Variants in REC114 observed in about 807,000 individuals in gnomAD.
REC114 encodes meiotic recombination protein REC114.
REC114 carries 27 observed loss-of-function variants against 31.3 expected under a neutral mutation model. The ratio of observed to expected loss-of-function variants is 0.86; its 90% CI spans 0.64 to 1.19. The LOEUF is 1.19. REC114 is among the 50% of genes most tolerant of loss of function. The pLI is 0.00. For synonymous variants in REC114, 134 were observed against 127.7 expected (o/e 1.05, Z -0.33); for missense variants, 344 against 326.9 (o/e 1.05, Z -0.40).
At chr15:73,490,811 C>T (rs1893431334) in intron 2 of REC114, among the ~76,000 whole-genome samples, 1 of 151,190 alleles carries the variant, frequency 6.6e-6, no homozygotes, top group South Asian at 2.1e-4. Context: ...CATTCCTTCG[C>T]CCCCACCAAA....
chr15:73,444,439 A>G (rs1393747895), intron 1 of REC114, among the ~76,000 whole-genome samples: 1 of 152,232 alleles, frequency 6.6e-6, no homozygotes, highest in Non-Finnish European at 1.5e-5. Flanking sequence ...CTTCACCAGG[A>G]GTAGATGCCA....
chr15:73,486,103 T>G (rs114881461), intron 2 of REC114, among the ~76,000 whole-genome samples: 1 of 152,208 alleles, frequency 6.6e-6, no homozygotes, highest in Non-Finnish European at 1.5e-5. Flanking sequence ...CATACCTTTT[T>G]TCCTTTTTTT....
chr15:73,507,914 A>G (rs1401048921), intron 2 of REC114, among the ~76,000 whole-genome samples: 1 of 152,162 alleles, frequency 6.6e-6, no homozygotes, highest in Non-Finnish European at 1.5e-5. Context: ...TCAGAAAGCC[A>G]TTTCCAAGTA....
At chr15:73,558,881 C>G (rs1725745594) in intron 5 of REC114, among the ~76,000 whole-genome samples, 3 of 152,044 alleles carry the variant, frequency 2.0e-5, no homozygotes, top group Non-Finnish European at 4.4e-5. Flanking sequence ...TTCATAATTG[C>G]AAAAAAATAA....
At chr15:73,517,494 C>A (rs927922938) in intron 2 of REC114, among the ~76,000 whole-genome samples, 2 of 152,016 alleles carry the variant, frequency 1.3e-5, no homozygotes, top group Admixed American at 1.3e-4. Context: ...AAAAACCAAT[C>A]GGACTTAGTG....
At chr15:73,539,308 T>TTG (rs1491458249) in intron 2 of REC114, among the ~76,000 whole-genome samples, 4 of 136,954 alleles carry the variant, frequency 2.9e-5, no homozygotes, top group African/African-American at 1.2e-4. Context: ...TTTTTTTTTT[T>TTG]GAGACGGAAT....
At chr15:73,491,269 C>CTTTGTGTATTATCTTAATTTTTTGTA (rs1307200331) in intron 2 of REC114, among the ~76,000 whole-genome samples, 5 of 151,980 alleles carry the variant, frequency 3.3e-5, no homozygotes, top group Non-Finnish European at 5.9e-5. Flanking sequence ...TTTGTATTAT[C>CTTTGTGTATTATCTTAATTTTTTGTA]TTTGTGTATT....
chr15:73,462,098 A>G lies in REC114; in HGVS notation c.160-11734A>G, dbSNP rs188433567. Among the ~76,000 whole-genome samples, 3 of 151,168 alleles carry G rather than the reference A, an allele frequency of 2.0e-5. No homozygotes were observed. In the East Asian group the frequency reaches 5.9e-4, roughly 30 times the overall value. On this transcript the variant is annotated intron_variant, in intron 1 of 5. Coordinates refer to ENST00000331090, the MANE Select transcript of REC114 (RefSeq NM_001042367.2). ...AGGCACCTACCACCATGCCCGGCTA[A>G]TTTTTGTATTTTTTGTAGAGATGGG...
At chr15:73,557,414 TAA>T (rs767116205) in intron 5 of REC114, among the ~76,000 whole-genome samples, 56 of 113,128 alleles carry the variant, frequency 5.0e-4, no homozygotes, top group African/African-American at 8.3e-4. Flanking sequence ...ATCAGTAGTT[TAA>T]AAAAAAAAAA....
chr15:73,445,729 G>T (rs556629322), intron 1 of REC114, among the ~76,000 whole-genome samples: 29 of 152,266 alleles, frequency 1.9e-4, no homozygotes, highest in African/African-American at 7.0e-4. Context: ...GGATGGAGCA[G>T]TTGGAATATA....
At chr15:73,463,580 G>A (rs1893018148) in intron 1 of REC114, among the ~76,000 whole-genome samples, 1 of 152,168 alleles carries the variant, frequency 6.6e-6, no homozygotes, top group Non-Finnish European at 1.5e-5. Flanking sequence ...TAGCACTTTG[G>A]GAGGCCCAGG....
intron 3 of REC114, among the ~76,000 whole-genome samples, chr15:73,548,554 A>G (rs143719743): frequency 1.8e-3 from 267 of 152,368 alleles, no homozygotes; most frequent in African/African-American, 6.3e-3. Context: ...CTAAAAAGTA[A>G]AAAAATAACA....
At chr15:73,513,730 G>T (rs903269119) in intron 2 of REC114, among the ~76,000 whole-genome samples, 11 of 151,894 alleles carry the variant, frequency 7.2e-5, no homozygotes, top group African/African-American at 2.7e-4. Context: ...TGCCCCTGCT[G>T]GGGGGTGCCT....
chr15:73,528,314 T>G (rs994934826), intron 2 of REC114, among the ~76,000 whole-genome samples: 1 of 152,188 alleles, frequency 6.6e-6, no homozygotes, highest in Non-Finnish European at 1.5e-5. Context: ...GCAGTGATTA[T>G]CAATGGCTGC....
intron 2 of REC114, among the ~76,000 whole-genome samples, chr15:73,480,232 A>AT (rs1315264601): frequency 6.6e-6 from 1 of 152,036 alleles, no homozygotes; most frequent in Non-Finnish European, 1.5e-5. Context: ...CATTTATGTC[A>AT]TTTGTGGAAA....
intron 4 of REC114, among the ~76,000 whole-genome samples, chr15:73,554,974 G>A (rs565702602): frequency 1.8e-4 from 28 of 152,336 alleles, no homozygotes; most frequent in South Asian, 1.0e-3. Flanking sequence ...ACAGAGAAAT[G>A]GGGCTTGTCT....
intron 2 of REC114, 84 bp from the exon 3 acceptor site, chr15:73,540,401 A>G (rs1213121680): frequency 1.0e-6 from 1 of 991,848 alleles, no homozygotes; most frequent in Non-Finnish European, 1.6e-6. Flanking sequence ...CAAATATACA[A>G]CTTTCTAACA....
chr15:73,526,420 GT>G (rs1894009074), intron 2 of REC114, among the ~76,000 whole-genome samples: 1 of 151,962 alleles, frequency 6.6e-6, no homozygotes, highest in South Asian at 2.1e-4. Context: ...TTAATTCAGT[GT>G]TTTTTTAGGA....
At chr15:73,465,944 C>G (rs368082120) in intron 1 of REC114, among the ~76,000 whole-genome samples, 1 of 152,200 alleles carries the variant, frequency 6.6e-6, no homozygotes, top group Admixed American at 6.5e-5. Context: ...CTCTGCCTTC[C>G]GGGTTCAAGC....
Sources: gnomAD v4.1 joint callset for allele counts (sites outside exome capture counted in the v4.1 genomes callset) on GRCh38, gnomAD v4.1.1 for gene constraint, MANE v1.5 for transcripts, NCBI Gene and HGNC (gene_info 2026-07-23, HGNC 2026-07-21) for gene names.